Variants in MAGI3 observed in about 807,000 individuals in gnomAD.
The protein encoded by MAGI3 is membrane-associated guanylate kinase, WW and PDZ domain-containing protein 3.
MAGI3 carries 43 observed loss-of-function variants against 121.8 expected under a neutral mutation model. The observed-to-expected ratio is 0.35, with a 90% CI of 0.28 to 0.46. The LOEUF (loss-of-function observed/expected upper bound fraction) is 0.46, where lower values mean the gene tolerates loss of function less well. MAGI3 is among the 20% of genes least tolerant of loss of function. MAGI3 has a pLI of 1.00. For missense variants in MAGI3, 1,547 were observed against 1,797.3 expected, an observed-to-expected ratio of 0.86 and a Z score of 2.52; for synonymous variants, 553 against 639.3, an observed-to-expected ratio of 0.86 and a Z score of 2.04.
chr1:113,496,709 G>A (rs1393039206), intron 1 of MAGI3, among the ~76,000 whole-genome samples: 1 of 152,064 alleles, frequency 6.6e-6, no homozygotes, highest in Non-Finnish European at 1.5e-5. Flanking sequence ...CTTTCAGCAT[G>A]TTTAAATATT....
chr1:113,435,702 A>T (rs1347555703), intron 1 of MAGI3, among the ~76,000 whole-genome samples: 2 of 152,122 alleles, frequency 1.3e-5, no homozygotes, highest in African/African-American at 4.8e-5. Flanking sequence ...ATGTGGAGGG[A>T]TGTCTTTAAT....
At chr1:113,449,360 GGTGTGTGTGTGT>G (rs71087199) in intron 1 of MAGI3, among the ~76,000 whole-genome samples, 1 of 147,232 alleles carries the variant, frequency 6.8e-6, no homozygotes, top group African/African-American at 2.5e-5. Context: ...TTACTTTTAT[GGTGTGTGTGTGT>G]GTGTGTGTGT....
chr1:113,506,653 T>C (rs1657344086), intron 1 of MAGI3, among the ~76,000 whole-genome samples: 1 of 152,200 alleles, frequency 6.6e-6, no homozygotes, highest in Non-Finnish European at 1.5e-5. Context: ...AGCTTGCCAC[T>C]CACAGAGTCC....
intron 1 of MAGI3, among the ~76,000 whole-genome samples, chr1:113,400,019 C>T (rs1651318633): frequency 6.6e-6 from 1 of 152,106 alleles, no homozygotes. Context: ...AACTACTTCA[C>T]TGACTCTTAT....
chr1:113,456,362 T>G (rs368257219), intron 1 of MAGI3, among the ~76,000 whole-genome samples: 8 of 152,184 alleles, frequency 5.3e-5, no homozygotes, highest in East Asian at 1.9e-4. Context: ...GACACATTCT[T>G]GTAAGCTTTC....
intron 9 of MAGI3, among the ~76,000 whole-genome samples, chr1:113,636,047 G>T (rs575711590): frequency 1.1e-4 from 16 of 152,226 alleles, no homozygotes; most frequent in East Asian, 3.9e-4. Context: ...ATGGTAGTTT[G>T]TATTTCTGTG....
intron 1 of MAGI3, among the ~76,000 whole-genome samples, chr1:113,541,557 G>T (rs1659287538): frequency 6.6e-6 from 1 of 152,156 alleles, no homozygotes; most frequent in South Asian, 2.1e-4. Context: ...TTAAGTTCCT[G>T]CTTGCCTGTA....
chr1:113,466,142 T>C (rs561381943), intron 1 of MAGI3, among the ~76,000 whole-genome samples: 2 of 152,298 alleles, frequency 1.3e-5, no homozygotes, highest in South Asian at 4.1e-4. Flanking sequence ...TTGTCATATA[T>C]GGCCTTTATT....
chr1:113,435,732 T>C (rs1443708770), intron 1 of MAGI3, among the ~76,000 whole-genome samples: 1 of 151,978 alleles, frequency 6.6e-6, no homozygotes, highest in Non-Finnish European at 1.5e-5. Context: ...AATCTCTGTG[T>C]GAGATTTGAA....
Position 113,652,046 on chromosome 1 carries a change from A to G in MAGI3, c.2440+840A>G, listed in dbSNP as rs919612222. ...TCATTATCTAGTTCTATGATTACTC[A>G]GAGAAAGGTTGAGAAACAAATAACT... On this transcript the variant is annotated intron_variant, in intron 14 of 20. Transcript: ENST00000307546. Among the ~76,000 whole-genome samples, 3 of 152,226 alleles carry G rather than the reference A, an allele frequency of 2.0e-5. No homozygotes were observed. In the South Asian group the frequency reaches 6.2e-4, roughly 32 times the overall value.
chr1:113,391,328 C>T lies in MAGI3; in HGVS notation c.295C>T (p.Arg99Cys), dbSNP rs1199308206. 6 of 1,597,546 alleles carry T rather than the reference C, an allele frequency of 3.8e-6. No individual in the cohort carries two copies. In the Admixed American group the frequency reaches 8.6e-5, roughly 23 times the overall value. Residue 99 changes from arginine to cysteine, a missense_variant, in exon 1 of 21, where the codon CGT (arginine) becomes TGT (cysteine). Transcript: ENST00000307546. This position sits in a 1 kb window ranked among gnomAD's most constrained non-coding sequence, Gnocchi z 4.4. ...CATCCGCCACTTCCGCGAGCCCATC[C>T]GTCTCAAGACTGTGAAACCAGGTAC... Reference protein sequence around the residue: ...AVIRHFREPIRLKTVKPGKVI... With the variant: ...AVIRHFREPICLKTVKPGKVI...
chr1:113,643,533 C>T (rs1447622171), intron 10 of MAGI3, among the ~76,000 whole-genome samples: 1 of 152,140 alleles, frequency 6.6e-6, no homozygotes, highest in Non-Finnish European at 1.5e-5. Flanking sequence ...AGTTTACCTT[C>T]TCTGTAAGAT....
chr1:113,393,516 C>T (rs1338631889), intron 1 of MAGI3, among the ~76,000 whole-genome samples: 1 of 152,126 alleles, frequency 6.6e-6, no homozygotes. Flanking sequence ...TTCTTAGCTT[C>T]TTAATAGCCT....
chr1:113,459,793 A>C (rs772299733), intron 1 of MAGI3, among the ~76,000 whole-genome samples: 1 of 152,196 alleles, frequency 6.6e-6, no homozygotes, highest in Non-Finnish European at 1.5e-5. Context: ...CCACCAACCA[A>C]AAAAAGCCTG....
At chr1:113,562,290 C>A (rs1439724147) in intron 2 of MAGI3, among the ~76,000 whole-genome samples, 2 of 152,304 alleles carry the variant, frequency 1.3e-5, no homozygotes, top group East Asian at 3.9e-4. Context: ...ATAGTCCCAG[C>A]TACTGAGGAG....
rs1660102746 is a variant in MAGI3, at chr1:113,558,883, C to CA, written c.433+9254dup. On this transcript the variant is annotated intron_variant, in intron 2 of 20. Transcript: ENST00000307546. ...AGTGGACCTCTCAGCAGAAACCCTG[C>CA]AAGCCAGAAGAGATTGGGGCCAGTA... 3.3e-5 allele frequency among the ~76,000 whole-genome samples: 5 copies of CA among 152,168 alleles called. No individual in the cohort carries two copies. In the South Asian group the frequency reaches 8.3e-4, roughly 25 times the overall value.
chr1:113,407,988 G>A (rs1651779816), intron 1 of MAGI3, among the ~76,000 whole-genome samples: 1 of 152,114 alleles, frequency 6.6e-6, no homozygotes, highest in Admixed American at 6.6e-5. Flanking sequence ...ATTTTCAGAT[G>A]TTTGGTTCAG....
chr1:113,632,679 A>G (rs371393785), intron 9 of MAGI3, among the ~76,000 whole-genome samples: 1 of 152,210 alleles, frequency 6.6e-6, no homozygotes, highest in Non-Finnish European at 1.5e-5. Context: ...AGTGTCTTCA[A>G]TAATGCATTG....
chr1:113,436,161 A>G (rs1003201801), intron 1 of MAGI3, among the ~76,000 whole-genome samples: 1 of 152,142 alleles, frequency 6.6e-6, no homozygotes, highest in Non-Finnish European at 1.5e-5. Context: ...AGATATAGGG[A>G]TGTTATAATT....
Sources: allele counts gnomAD v4.1 joint callset (sites outside exome capture counted in the v4.1 genomes callset), GRCh38; gene constraint gnomAD v4.1.1; non-coding constraint Gnocchi (gnomAD v3.1); transcripts MANE v1.5; gene names NCBI Gene and HGNC (gene_info 2026-07-23, HGNC 2026-07-21).